ULK4: variants seen among roughly 807,000 people sequenced by gnomAD.
ULK4 encodes the protein inactive serine/threonine-protein kinase ULK4.
A neutral mutation model predicts 160.6 loss-of-function variants in ULK4; 133 were observed. The observed-to-expected ratio is 0.83, with a 90% CI of 0.72 to 0.96. ULK4 has a LOEUF of 0.96. Among genes scored for constraint, ULK4 ranks in the 40% least tolerant of loss-of-function variants. ULK4 has a pLI of 0.00. For missense variants in ULK4, 1,580 were observed against 1,499.5 expected, an observed-to-expected ratio of 1.05 and a Z score of -0.89; for synonymous variants, 534 against 539.8, an observed-to-expected ratio of 0.99 and a Z score of 0.15.
At chr3:41,917,270 A>G (rs2148809989) in intron 7 of ULK4, among the ~76,000 whole-genome samples, 1 of 152,122 alleles carries the variant, frequency 6.6e-6, no homozygotes, top group African/African-American at 2.4e-5. Flanking sequence ...TTGAGAGGCC[A>G]AGGCAGGCGG....
chr3:41,850,268 A>G (rs2042177416), intron 17 of ULK4, among the ~76,000 whole-genome samples: 1 of 152,184 alleles, frequency 6.6e-6, no homozygotes, highest in African/African-American at 2.4e-5. Flanking sequence ...GCTGCAATAA[A>G]CATACGTGTG....
rs935622009 is a variant in ULK4, at chr3:41,410,255, G to A, written c.3493-11991C>T. On this transcript the variant is annotated intron_variant, in intron 34 of 36. Coordinates refer to ENST00000301831, the MANE Select transcript of ULK4 (RefSeq NM_017886.4). ...GTTCATAGCAATGTTATTCATAATA[G>A]CCAAAAAGTGAAAACAACTGAAATG... Among the ~76,000 whole-genome samples, 7 of 152,078 alleles carry A rather than the reference G, an allele frequency of 4.6e-5. No homozygotes were observed. In the East Asian group the frequency reaches 1.3e-3, roughly 29 times the overall value.
chr3:41,639,585 G>A (rs577833220), intron 30 of ULK4, among the ~76,000 whole-genome samples: 6 of 152,098 alleles, frequency 3.9e-5, no homozygotes, highest in East Asian at 1.9e-4. Flanking sequence ...AAAATTAGCC[G>A]ACCGTGGTGG....
Position 41,715,428 on chromosome 3 carries a change from C to A in ULK4, c.2577+19G>T. The A allele has an allele frequency of 6.2e-7, 1 of 1,613,942 alleles. No homozygotes were observed. The highest frequency in any genetic ancestry group is 8.5e-7 in the Non-Finnish European group (1 of 1,179,980). On this transcript the variant is annotated intron_variant, in intron 24 of 36. Transcript: ENST00000301831. ...GAAGAGGCAAATTTATATCCTTTTC[C>A]TCCTCAATACAATAGTACCTGTGAA...
intron 25 of ULK4, among the ~76,000 whole-genome samples, chr3:41,709,814 A>T (rs1235317754): frequency 1.3e-5 from 2 of 152,182 alleles, no homozygotes; most frequent in African/African-American, 4.8e-5. Context: ...TAAGAAACTC[A>T]GAGAGAGAGA....
At chr3:41,697,000 A>T (rs1220261569) in intron 27 of ULK4, among the ~76,000 whole-genome samples, 3 of 152,184 alleles carry the variant, frequency 2.0e-5, no homozygotes, top group African/African-American at 7.2e-5. Context: ...TCTGGAAGGA[A>T]CACAGCCATA....
chr3:41,254,459 TACA>T (rs2078795200), intron 35 of ULK4, among the ~76,000 whole-genome samples: 1 of 152,180 alleles, frequency 6.6e-6, no homozygotes, highest in Non-Finnish European at 1.5e-5. Flanking sequence ...ATGACCTTGA[TACA>T]ACATGTCAGC....
chr3:41,882,540 T>G (rs1697561586), intron 17 of ULK4, among the ~76,000 whole-genome samples: 1 of 152,256 alleles, frequency 6.6e-6, no homozygotes, highest in Non-Finnish European at 1.5e-5. Flanking sequence ...CCTCTTTCTT[T>G]CTGAATCCTA....
intron 32 of ULK4, among the ~76,000 whole-genome samples, chr3:41,504,546 A>C (rs2085315458): frequency 6.6e-6 from 1 of 152,206 alleles, no homozygotes; most frequent in Non-Finnish European, 1.5e-5. Flanking sequence ...CTACTGATTA[A>C]ATGTGACAAG....
At chr3:41,796,238 T>C (rs886473861) in intron 20 of ULK4, among the ~76,000 whole-genome samples, 2 of 152,192 alleles carry the variant, frequency 1.3e-5, no homozygotes, top group East Asian at 1.9e-4. Flanking sequence ...AGTAAGTATA[T>C]TGAGAATAAT....
At chr3:41,659,294 C>G (rs1451977815) in intron 30 of ULK4, among the ~76,000 whole-genome samples, 1 of 152,130 alleles carries the variant, frequency 6.6e-6, no homozygotes, top group Non-Finnish European at 1.5e-5. Context: ...CTATTCATGA[C>G]AGCAAAAATA....
chr3:41,755,923 C>G (rs527954039), intron 21 of ULK4, among the ~76,000 whole-genome samples: 22 of 152,176 alleles, frequency 1.4e-4, no homozygotes, highest in Non-Finnish European at 2.9e-4. Context: ...GAGCAAGCAT[C>G]ATGTCCACAA....
At chr3:41,303,451 A>C (rs2079838368) in intron 35 of ULK4, among the ~76,000 whole-genome samples, 1 of 152,238 alleles carries the variant, frequency 6.6e-6, no homozygotes, top group African/African-American at 2.4e-5. Flanking sequence ...CACTGCATTT[A>C]TATTACAGCA....
intron 30 of ULK4, among the ~76,000 whole-genome samples, chr3:41,650,556 C>T (rs1192984504): frequency 6.6e-6 from 1 of 152,238 alleles, no homozygotes; most frequent in Non-Finnish European, 1.5e-5. Context: ...CACCCTGCCG[C>T]AGACGGCACA....
intron 32 of ULK4, among the ~76,000 whole-genome samples, chr3:41,503,027 GA>G (rs201015608): frequency 1.2e-4 from 18 of 149,718 alleles, no homozygotes; most frequent in Middle Eastern, 3.4e-3. Flanking sequence ...TTAGCCTAAG[GA>G]AAAAAAAATG....
intron 35 of ULK4, among the ~76,000 whole-genome samples, chr3:41,313,042 G>A (rs574932779): frequency 3.9e-5 from 6 of 152,180 alleles, no homozygotes; most frequent in African/African-American, 1.4e-4. Context: ...AAACAGAAAT[G>A]AACACATGCC....
chr3:41,698,495 T>G (rs1032971864), intron 27 of ULK4, among the ~76,000 whole-genome samples: 3 of 152,120 alleles, frequency 2.0e-5, no homozygotes, highest in Non-Finnish European at 4.4e-5. Flanking sequence ...ATTTTCAGAT[T>G]AGGGATGTTC....
intron 30 of ULK4, among the ~76,000 whole-genome samples, chr3:41,627,714 T>C (rs544749437): frequency 8.5e-5 from 13 of 152,310 alleles, no homozygotes; most frequent in African/African-American, 2.9e-4. Flanking sequence ...TTAACAGATA[T>C]ACAAACAAAT....
intron 32 of ULK4, among the ~76,000 whole-genome samples, chr3:41,506,807 T>TATATATATATATATATAC (rs1559658299): frequency 3.6e-5 from 4 of 110,688 alleles, no homozygotes; most frequent in African/African-American, 1.0e-4. Context: ...TATATATATA[T>TATATATATATATATATAC]GAACATGTTT....
Sources: gnomAD v4.1 joint callset for allele counts (sites outside exome capture counted in the v4.1 genomes callset) on GRCh38, gnomAD v4.1.1 for gene constraint, MANE v1.5 for transcripts, NCBI Gene and HGNC (gene_info 2026-07-23, HGNC 2026-07-21) for gene names.